Variants in NUDT3 observed in about 807,000 individuals in gnomAD.
NUDT3 encodes diphosphoinositol polyphosphate phosphohydrolase 1.
Under a neutral mutation model 23.6 loss-of-function variants are expected in NUDT3, and 9 were observed. The ratio of observed to expected loss-of-function variants is 0.38; its 90% CI spans 0.23 to 0.66. The LOEUF is 0.66. NUDT3 is among the 30% of genes least tolerant of loss of function. The pLI, the probability that NUDT3 is intolerant of heterozygous loss-of-function variation, is 0.52. For synonymous variants in NUDT3, 86 were observed against 82.6 expected, an observed-to-expected ratio of 1.04 and a Z score of -0.22; for missense variants, 172 against 218.5, an observed-to-expected ratio of 0.79 and a Z score of 1.34.
chr6:34,347,239 A>C (rs767461757), intron 1 of NUDT3, among the ~76,000 whole-genome samples: 9 of 152,250 alleles, frequency 5.9e-5, no homozygotes, highest in Non-Finnish European at 8.8e-5. Flanking sequence ...TAATACACTA[A>C]GGGGAAAAAT....
intron 2 of NUDT3, among the ~76,000 whole-genome samples, chr6:34,304,975 A>ATTTTT (rs535349190): frequency 4.7e-5 from 4 of 85,350 alleles, no homozygotes; most frequent in Non-Finnish European, 6.4e-5. Context: ...CCCGGTCTGA[A>ATTTTT]TTTTTTTTTT....
At chr6:34,298,656 A>AG (rs11449888) in intron 2 of NUDT3, among the ~76,000 whole-genome samples, 152,244 of 152,244 alleles carry the variant, frequency 1, 76,122 homozygotes, top group Non-Finnish European at 1. Context: ...TATGTTGCCC[A>AG]GCCGGCCTCA....
At chr6:34,381,024 A>T (rs1381009454) in intron 1 of NUDT3, among the ~76,000 whole-genome samples, 1 of 151,634 alleles carries the variant, frequency 6.6e-6, no homozygotes, top group Non-Finnish European at 1.5e-5. Context: ...ACTGCATCTT[A>T]TTTTGCTTTT....
intron 4 of NUDT3, among the ~76,000 whole-genome samples, chr6:34,291,102 G>A (rs1041130637): frequency 6.6e-6 from 1 of 151,904 alleles, no homozygotes; most frequent in Non-Finnish European, 1.5e-5. Flanking sequence ...GGGACTACAG[G>A]TGCACACCAC....
chr6:34,302,097 T>C (rs1240825859), intron 2 of NUDT3, among the ~76,000 whole-genome samples: 1 of 152,036 alleles, frequency 6.6e-6, no homozygotes, highest in African/African-American at 2.4e-5. Flanking sequence ...AGTGGTGCAA[T>C]CATGGCTCAC....
chr6:34,355,908 C>A (rs1242934189), intron 1 of NUDT3, among the ~76,000 whole-genome samples: 1 of 152,092 alleles, frequency 6.6e-6, no homozygotes, highest in African/African-American at 2.4e-5. Flanking sequence ...AAGCTCGGTC[C>A]CCTTCCCCCA....
At chr6:34,297,730 A>AAATATATATAT (rs61610076) in intron 2 of NUDT3, among the ~76,000 whole-genome samples, 2 of 72,008 alleles carry the variant, frequency 2.8e-5, no homozygotes, top group Non-Finnish European at 4.6e-5. Context: ...AAAAAAAAAA[A>AAATATATATAT]ATATATATAT....
intron 2 of NUDT3, among the ~76,000 whole-genome samples, chr6:34,304,221 A>T (rs951207562): frequency 1.3e-5 from 2 of 150,130 alleles, no homozygotes; most frequent in African/African-American, 4.9e-5. Flanking sequence ...ACTGTACTCC[A>T]GCCTGGGTGA....
intron 1 of NUDT3, among the ~76,000 whole-genome samples, chr6:34,375,354 TA>T (rs1764905339): frequency 6.6e-6 from 1 of 151,874 alleles, no homozygotes; most frequent in Non-Finnish European, 1.5e-5. Context: ...AAAAAAAAAT[TA>T]AAAAATAAAA....
intron 1 of NUDT3, among the ~76,000 whole-genome samples, chr6:34,356,939 G>A (rs548091246): frequency 2.0e-5 from 3 of 152,072 alleles, no homozygotes; most frequent in Non-Finnish European, 2.9e-5. Context: ...CACCATGCCC[G>A]GCTAATTTTT....
Position 34,281,276 on chromosome 6 carries a change from T to C in NUDT3, c.*7477A>G, listed in dbSNP as rs1169759968. 2.0e-5 allele frequency: 3 copies of C among 152,166 alleles called. No homozygotes were observed. Among genetic ancestry groups the C allele is most frequent in the African/African-American group, 7.2e-5 (3 of 41,410 alleles). 9.4% of individuals were successfully genotyped at this position (152,166 alleles called of 1,614,324 possible). ...GCCCATCCCTGACCATGTCATTGGA[T>C]AGGATGGAAGACAAAGTCTTTGAAA... On this transcript the variant is annotated 3_prime_UTR_variant, in exon 5 of 5. Transcript: ENST00000607016.
At position 34,339,973 on chromosome 6, in the gene NUDT3, C is replaced by G. The variant is rs80344099; in HGVS notation, c.210+1889G>C. ...GTAGTTTAAACATGGAACCGACATT[C>G]CCTTTGCCAGGAAGTTTAAGCATAA... On this transcript the variant is annotated intron_variant, in intron 2 of 4. Coordinates refer to ENST00000607016, the MANE Select transcript of NUDT3 (RefSeq NM_006703.4). 7.0e-4 allele frequency among the ~76,000 whole-genome samples: 107 copies of G among 152,280 alleles called. 3 individuals carry two copies. The East Asian group carries it at 0.015, about 21-fold the overall frequency.
At chr6:34,384,276 T>C (rs761368483) in intron 1 of NUDT3, among the ~76,000 whole-genome samples, 8 of 152,216 alleles carry the variant, frequency 5.3e-5, no homozygotes, top group Non-Finnish European at 1.2e-4. Context: ...CCAAGAGATA[T>C]AGGGCTTCTA....
At chr6:34,312,459 G>A (rs2113710650) in intron 2 of NUDT3, among the ~76,000 whole-genome samples, 1 of 151,972 alleles carries the variant, frequency 6.6e-6, no homozygotes, top group South Asian at 2.1e-4. Context: ...AGATGCTGGT[G>A]AGGATGTGGA....
chr6:34,343,125 T>A (rs1242126682), intron 1 of NUDT3, among the ~76,000 whole-genome samples: 1 of 152,182 alleles, frequency 6.6e-6, no homozygotes, highest in Non-Finnish European at 1.5e-5. Flanking sequence ...TGAAAACTTG[T>A]CTTAAACTTA....
rs1763293174 is a variant in NUDT3, at chr6:34,282,816, G to A, written c.*5937C>T. ...CGCTTTTTTTGTGTGCTTCCTGATA[G>A]GAAGTCAAATAAGTTTTAGTATTAA... On this transcript the variant is annotated 3_prime_UTR_variant, in exon 5 of 5. Coordinates refer to ENST00000607016, the MANE Select transcript of NUDT3 (RefSeq NM_006703.4). 2 of 152,074 alleles carry A rather than the reference G, an allele frequency of 1.3e-5. No individual in the cohort carries two copies. The highest frequency in any genetic ancestry group is 2.9e-5 in the Non-Finnish European group (2 of 68,026). 9.4% of individuals were successfully genotyped at this position (152,074 alleles called of 1,614,324 possible). A position where few individuals can be genotyped will look rare whatever the true frequency, so the allele number is the denominator to read the frequency against.
intron 2 of NUDT3, among the ~76,000 whole-genome samples, chr6:34,332,999 C>T (rs1764150655): frequency 6.6e-6 from 1 of 152,088 alleles, no homozygotes; most frequent in African/African-American, 2.4e-5. Flanking sequence ...CAAAGAGGTG[C>T]TTTTCTTTTT....
At chr6:34,360,952 G>A (rs2113751873) in intron 1 of NUDT3, among the ~76,000 whole-genome samples, 1 of 152,298 alleles carries the variant, frequency 6.6e-6, no homozygotes, top group South Asian at 2.1e-4. Flanking sequence ...GCCAGGAGCA[G>A]TAGCTCATAC....
chr6:34,378,930 T>A (rs1764969516), intron 1 of NUDT3, among the ~76,000 whole-genome samples: 1 of 152,180 alleles, frequency 6.6e-6, no homozygotes, highest in Non-Finnish European at 1.5e-5. Flanking sequence ...GCTTATTGCT[T>A]CTACCATCCC....
Sources: gnomAD v4.1 joint callset for allele counts (sites outside exome capture counted in the v4.1 genomes callset) on GRCh38, gnomAD v4.1.1 for gene constraint, MANE v1.5 for transcripts, NCBI Gene and HGNC (gene_info 2026-07-23, HGNC 2026-07-21) for gene names.